Variants in DCC observed in about 807,000 individuals in gnomAD.
DCC encodes DCC netrin 1 receptor.
Under a neutral mutation model 172.5 loss-of-function variants are expected in DCC, and 58 were observed. The ratio of observed to expected loss-of-function variants is 0.34; its 90% CI spans 0.27 to 0.42. The LOEUF (loss-of-function observed/expected upper bound fraction) is 0.42. DCC is among the 10% of genes least tolerant of loss of function. The pLI, the probability that DCC is intolerant of heterozygous loss-of-function variation, is 1.00. For synonymous variants in DCC, 709 were observed against 644.5 expected, an observed-to-expected ratio of 1.10 and a Z score of -1.52; for missense variants, 1,740 against 1,791.0, an observed-to-expected ratio of 0.97 and a Z score of 0.51.
intron 1 of DCC, among the ~76,000 whole-genome samples, chr18:52,717,244 C>T (rs2036397813): frequency 6.6e-6 from 1 of 151,988 alleles, no homozygotes; most frequent in South Asian, 2.1e-4. Flanking sequence ...GCCCATAAAG[C>T]TAAATAAAAG....
rs185296665 is a variant in DCC, at chr18:52,534,517, A to G, written c.91+193639A>G. Among the ~76,000 whole-genome samples, 290 of 152,286 alleles carry G rather than the reference A, an allele frequency of 1.9e-3. 4 individuals are homozygous for G. Among genetic ancestry groups the G allele is most frequent in the African/African-American group, 6.9e-3 (287 of 41,566 alleles). On this transcript the variant is annotated intron_variant, in intron 1 of 28. Transcript: ENST00000442544. ...CTCCCTATGGTCTAAGTCATCTTAC[A>G]TATAAAGAAATTAAGATGTATTCAT...
intron 9 of DCC, among the ~76,000 whole-genome samples, chr18:53,187,045 G>T (rs1342048288): frequency 6.6e-6 from 1 of 151,922 alleles, no homozygotes; most frequent in Non-Finnish European, 1.5e-5. Context: ...TTTGCATTGG[G>T]GTTTAAATTT....
intron 9 of DCC, among the ~76,000 whole-genome samples, chr18:53,199,520 A>C (rs1033798331): frequency 2.6e-5 from 4 of 152,148 alleles, no homozygotes; most frequent in African/African-American, 9.6e-5. Context: ...GAGCTGAATA[A>C]ATGTATAAGT....
chr18:53,118,163 A>G (rs746104524), intron 7 of DCC, among the ~76,000 whole-genome samples: 1 of 151,810 alleles, frequency 6.6e-6, no homozygotes, highest in African/African-American at 2.4e-5. Flanking sequence ...TTATCAAACA[A>G]AAGACAAAGA....
chr18:53,242,908 G>T (rs537647900), intron 12 of DCC, among the ~76,000 whole-genome samples: 1 of 151,386 alleles, frequency 6.6e-6, no homozygotes, highest in Non-Finnish European at 1.5e-5. Context: ...GTGTGTTTGT[G>T]CATCTGGCCA....
At chr18:52,744,478 A>T (rs1288181242) in intron 1 of DCC, among the ~76,000 whole-genome samples, 2 of 152,142 alleles carry the variant, frequency 1.3e-5, no homozygotes, top group Non-Finnish European at 1.5e-5. Flanking sequence ...TCTGATTTGC[A>T]TTTTTTAGTA....
intron 2 of DCC, among the ~76,000 whole-genome samples, chr18:52,817,415 T>C (rs1435549512): frequency 3.3e-5 from 5 of 152,196 alleles, no homozygotes; most frequent in Non-Finnish European, 5.9e-5. Context: ...AGTAGTCATC[T>C]TTATAGAAAA....
chr18:52,773,952 C>A (rs912045773), intron 2 of DCC, among the ~76,000 whole-genome samples: 7 of 152,102 alleles, frequency 4.6e-5, no homozygotes, highest in Non-Finnish European at 1.0e-4. Flanking sequence ...CTGCAGCCAA[C>A]CAAATTTCCC....
intron 1 of DCC, among the ~76,000 whole-genome samples, chr18:52,518,329 A>T (rs1409568715): frequency 6.6e-6 from 1 of 152,224 alleles, no homozygotes; most frequent in Non-Finnish European, 1.5e-5. Flanking sequence ...TCCCAAGGAA[A>T]GGTGGAACCC....
intron 1 of DCC, among the ~76,000 whole-genome samples, chr18:52,675,482 T>C (rs2144978749): frequency 6.6e-6 from 1 of 152,236 alleles, no homozygotes; most frequent in Non-Finnish European, 1.5e-5. Flanking sequence ...TCAACGTATT[T>C]CCTAAATATA....
intron 1 of DCC, among the ~76,000 whole-genome samples, chr18:52,668,204 T>C (rs1179855744): frequency 2.0e-5 from 3 of 152,196 alleles, no homozygotes; most frequent in Non-Finnish European, 1.5e-5. Flanking sequence ...GACTTTTTGA[T>C]GGTTTCAGGT....
intron 1 of DCC, among the ~76,000 whole-genome samples, chr18:52,469,560 C>G (rs1207076543): frequency 6.6e-6 from 1 of 152,054 alleles, no homozygotes. Flanking sequence ...AAAAGAAATA[C>G]AGTCTAATAA....
chr18:52,724,296 G>A (rs1182181793), intron 1 of DCC, among the ~76,000 whole-genome samples: 1 of 151,970 alleles, frequency 6.6e-6, no homozygotes, highest in East Asian at 1.9e-4. Context: ...ACAGTTATGT[G>A]CCACCACATC....
chr18:53,148,369 A>G lies in DCC; in HGVS notation c.1262-8987A>G, dbSNP rs371721292. 6.6e-5 allele frequency among the ~76,000 whole-genome samples: 10 copies of G among 152,204 alleles called. No homozygotes were observed. In the East Asian group the frequency reaches 1.7e-3, roughly 26 times the overall value. On this transcript the variant is annotated intron_variant, in intron 7 of 28. Transcript: ENST00000442544. ...CTGTCAGTCTTTATTCCCAGAGGAA[A>G]CTCTGGTGACAAGGGAGTGATTGAA... is the stretch of plus-strand genomic sequence containing the variant.
intron 9 of DCC, among the ~76,000 whole-genome samples, chr18:53,194,015 T>A (rs968092486): frequency 7.9e-5 from 12 of 152,198 alleles, no homozygotes; most frequent in African/African-American, 2.9e-4. Flanking sequence ...AGATATTGAT[T>A]GTTCCCATAT....
Position 53,322,101 on chromosome 18 carries a change from G to A in DCC, c.2108G>A (p.Gly703Asp). The change falls in exon 14 of 29, where the codon GGT (glycine) becomes GAT (aspartate). Residue 703 changes from glycine (G) to aspartate (D), a missense_variant. Gly to Asp is a moderately conservative substitution (Grantham distance 94). Transcript: ENST00000442544. ...CAGGTGTCAGCCATGACAGTCAATG[G>A]TACTGGACCACCTTCCAACTGGTAT... ...SFQVSAMTVNGTGPPSNWYTA... is the reference protein window; with the variant it reads ...SFQVSAMTVNDTGPPSNWYTA... 6.2e-7 allele frequency: 1 copy of A among 1,610,028 alleles called. No individual in the cohort carries two copies. Among genetic ancestry groups the A allele is most frequent in the Non-Finnish European group, 8.5e-7 (1 of 1,176,256 alleles).
intron 2 of DCC, among the ~76,000 whole-genome samples, chr18:52,839,265 G>C (rs1353525206): frequency 6.6e-6 from 1 of 152,156 alleles, no homozygotes; most frequent in African/African-American, 2.4e-5. Context: ...GTTTGCACGT[G>C]TATGTGTGCA....
At chr18:52,985,916 C>T (rs2041285772) in intron 5 of DCC, among the ~76,000 whole-genome samples, 1 of 152,150 alleles carries the variant, frequency 6.6e-6, no homozygotes, top group African/African-American at 2.4e-5. Context: ...CTTAAATCAT[C>T]AATGGGACTA....
chr18:52,787,094 A>G (rs2037674271), intron 2 of DCC, among the ~76,000 whole-genome samples: 1 of 152,160 alleles, frequency 6.6e-6, no homozygotes, highest in Non-Finnish European at 1.5e-5. Flanking sequence ...TTAAAAAGTT[A>G]AAAGTATGTT....
Sources: gnomAD v4.1 joint callset for allele counts (sites outside exome capture counted in the v4.1 genomes callset) on GRCh38, gnomAD v4.1.1 for gene constraint, MANE v1.5 for transcripts, NCBI Gene and HGNC (gene_info 2026-07-23, HGNC 2026-07-21) for gene names.